Variants in TMEM26 observed in about 807,000 individuals in gnomAD.
TMEM26 encodes the protein transmembrane protein 26.
Under a neutral mutation model 28.8 loss-of-function variants are expected in TMEM26, and 38 were observed. The observed-to-expected ratio is 1.32, with a 90% confidence interval of 1.02 to 1.73. The LOEUF is 1.73. Among genes scored for constraint, TMEM26 ranks in the 40% most tolerant of loss-of-function variants. The pLI is 0.00. For missense variants in TMEM26, 518 were observed against 447.1 expected, an observed-to-expected ratio of 1.16 and a Z score of -1.43; for synonymous variants, 227 against 182.9, an observed-to-expected ratio of 1.24 and a Z score of -1.95.
intron 2 of TMEM26, among the ~76,000 whole-genome samples, chr10:61,435,801 TGCCCATTCTTA>T (rs1839995847): frequency 6.6e-6 from 1 of 152,182 alleles, no homozygotes; most frequent in East Asian, 1.9e-4. Context: ...CATTGAGGCA[TGCCCATTCTTA>T]GCACAACATA....
chr10:61,413,390 A>T, intron 5 of TMEM26, 69 bp downstream of exon 5: 3 of 1,574,688 alleles, frequency 1.9e-6, no homozygotes, highest in Non-Finnish European at 2.6e-6. Context: ...TTGCCTTCTT[A>T]GTTTTAGCAT....
intron 1 of TMEM26, among the ~76,000 whole-genome samples, chr10:61,442,484 A>G (rs897248955): frequency 2.6e-5 from 4 of 152,286 alleles, no homozygotes; most frequent in Admixed American, 6.5e-5. Flanking sequence ...AAAATGGATA[A>G]TATTTAAGTG....
chr10:61,436,331 A>T, intron 1 of TMEM26, 83 bp from the exon 2 acceptor site: 1 of 810,278 alleles, frequency 1.2e-6, no homozygotes, highest in Non-Finnish European at 2.0e-6. Context: ...GAATGAAAAA[A>T]AAATGCACAT....
rs1187915894 is a variant in TMEM26, at chr10:61,407,450, T to A, written c.*2872A>T. Reference sequence around the variant, plus strand: ...GCCAATTCAAAATTTTATTTCATTATGCTATTGAAACAGCTCAAATAAAAA... The same window carrying A: ...GCCAATTCAAAATTTTATTTCATTAAGCTATTGAAACAGCTCAAATAAAAA... On this transcript the variant is annotated 3_prime_UTR_variant, in exon 6 of 6. Transcript: ENST00000399298. 1 of 152,180 alleles carries A rather than the reference T, an allele frequency of 6.6e-6. No homozygotes were observed. Among genetic ancestry groups the A allele is most frequent in the East Asian group, 1.9e-4 (1 of 5,198 alleles). The allele number at this position is 152,180 out of a possible 1,614,324, so 9.4% of individuals were successfully genotyped here.
At chr10:61,451,211 CAG>C (rs1288328131) in intron 1 of TMEM26, among the ~76,000 whole-genome samples, 2 of 152,172 alleles carry the variant, frequency 1.3e-5, no homozygotes, top group Non-Finnish European at 2.9e-5. Flanking sequence ...AGTCACATGT[CAG>C]TACCAATCAG....
intron 1 of TMEM26, among the ~76,000 whole-genome samples, chr10:61,448,239 G>C (rs1392101634): frequency 1.3e-5 from 2 of 152,234 alleles, no homozygotes; most frequent in Non-Finnish European, 2.9e-5. Flanking sequence ...TCCTGTGACA[G>C]CTCAAATGCT....
chr10:61,447,798 A>C (rs1453266944), intron 1 of TMEM26, among the ~76,000 whole-genome samples: 1 of 152,126 alleles, frequency 6.6e-6, no homozygotes, highest in Non-Finnish European at 1.5e-5. Context: ...CTCAAAGGTC[A>C]CATCCCCAGC....
chr10:61,441,974 G>A (rs1840102114), intron 1 of TMEM26, among the ~76,000 whole-genome samples: 1 of 151,976 alleles, frequency 6.6e-6, no homozygotes, highest in Non-Finnish European at 1.5e-5. Context: ...ACACAAGCAG[G>A]AGCACCATCT....
At chr10:61,449,511 T>C (rs1335174878) in intron 1 of TMEM26, among the ~76,000 whole-genome samples, 1 of 152,200 alleles carries the variant, frequency 6.6e-6, no homozygotes, top group East Asian at 1.9e-4. Context: ...TGTTTCAAAA[T>C]ATTTAGTTCA....
At chr10:61,443,305 A>C (rs1305436843) in intron 1 of TMEM26, among the ~76,000 whole-genome samples, 1 of 151,740 alleles carries the variant, frequency 6.6e-6, no homozygotes, top group East Asian at 1.9e-4. Flanking sequence ...CCAAAAAAAA[A>C]AAAAAAAAAA....
At chr10:61,429,567 C>G (rs573326721) in intron 3 of TMEM26, among the ~76,000 whole-genome samples, 3 of 152,062 alleles carry the variant, frequency 2.0e-5, no homozygotes, top group African/African-American at 4.8e-5. Flanking sequence ...ATGTACTAAT[C>G]TTGAAATATT....
intron 1 of TMEM26, among the ~76,000 whole-genome samples, chr10:61,436,782 C>T (rs1299905086): frequency 6.6e-6 from 1 of 152,060 alleles, no homozygotes; most frequent in Non-Finnish European, 1.5e-5. Context: ...TTTGCTAAAC[C>T]TATAAAATAA....
chr10:61,411,335 T>C (rs2135284210), intron 5 of TMEM26, among the ~76,000 whole-genome samples: 1 of 152,332 alleles, frequency 6.6e-6, no homozygotes, highest in East Asian at 1.9e-4. Flanking sequence ...CAGCCCTGCA[T>C]TCTGTCCACT....
intron 1 of TMEM26, among the ~76,000 whole-genome samples, chr10:61,446,279 A>G (rs79608874): frequency 0.011 from 1,689 of 152,296 alleles, 14 homozygotes; most frequent in Non-Finnish European, 0.017. Context: ...ATTTGCTAAT[A>G]ACATTCAGTG....
intron 4 of TMEM26, chr10:61,415,107 C>A (rs11593659): frequency 0.22 from 213,487 of 984,820 alleles, 24,103 homozygotes; most frequent in African/African-American, 0.35. Flanking sequence ...GATAGAAAAC[C>A]AGTACCCTGG....
Position 61,429,003 on chromosome 10 carries a change from T to C in TMEM26, c.528A>G (p.Gln176=). The C allele has an allele frequency of 6.2e-7, 1 of 1,613,368 alleles. No individual in the cohort carries two copies. The highest frequency in any genetic ancestry group is 1.1e-5 in the South Asian group (1 of 91,068). Residue 176 remains glutamine, a synonymous_variant, in exon 4 of 6, where the codon CAA becomes CAG. Transcript: ENST00000399298. ...CTGTCCCCACAAACATAAGAAGAAG[T>C]TGAGAGAGTTGATCTCGAGTGATCC... is the stretch of plus-strand genomic sequence containing the variant. ...GGGITRDQLS[Q]LLLMFVGTAA...
chr10:61,419,583 T>A (rs373139218), intron 4 of TMEM26, among the ~76,000 whole-genome samples: 1 of 152,012 alleles, frequency 6.6e-6, no homozygotes, highest in Non-Finnish European at 1.5e-5. Flanking sequence ...GGATTTGAGA[T>A]GGCAGAAAAA....
At chr10:61,425,604 A>G (rs952550312) in intron 4 of TMEM26, among the ~76,000 whole-genome samples, 2 of 152,182 alleles carry the variant, frequency 1.3e-5, no homozygotes, top group African/African-American at 2.4e-5. Context: ...TAATAAAAAG[A>G]CAATCCAATA....
intron 1 of TMEM26, among the ~76,000 whole-genome samples, chr10:61,446,548 C>T (rs1222335155): frequency 1.3e-5 from 2 of 151,966 alleles, no homozygotes; most frequent in Admixed American, 1.3e-4. Context: ...GGGCCAGGCG[C>T]GATGGCTCAC....
Sources: gnomAD v4.1 joint callset for allele counts (sites outside exome capture counted in the v4.1 genomes callset) on GRCh38, gnomAD v4.1.1 for gene constraint, MANE v1.5 for transcripts, NCBI Gene and HGNC (gene_info 2026-07-23, HGNC 2026-07-21) for gene names.